ACSL3: variants seen among roughly 807,000 people sequenced by gnomAD.
ACSL3 encodes acyl-CoA synthetase long chain family member 3.
In ACSL3, 34 loss-of-function variants were observed where a neutral mutation model predicts 84.7. The observed-to-expected ratio is 0.40, with a 90% CI of 0.31 to 0.53. The LOEUF is 0.53. Ranked by LOEUF, ACSL3 falls within the 20% of genes least tolerant of loss-of-function variation. ACSL3 has a pLI of 0.48. For synonymous variants in ACSL3, 315 were observed against 299.4 expected, an observed-to-expected ratio of 1.05 and a Z score of -0.54; for missense variants, 680 against 873.1, an observed-to-expected ratio of 0.78 and a Z score of 2.79.
intron 1 of ACSL3, among the ~76,000 whole-genome samples, chr2:222,862,474 A>G (rs114293576): frequency 6.6e-6 from 1 of 151,974 alleles, no homozygotes; most frequent in East Asian, 1.9e-4. Flanking sequence ...ATGTTTATCA[A>G]CCTATTTTGT....
chr2:222,879,596 T>G (rs1380917492), intron 1 of ACSL3, among the ~76,000 whole-genome samples: 2 of 152,216 alleles, frequency 1.3e-5, no homozygotes, highest in Admixed American at 1.3e-4. Flanking sequence ...GACAGTCCTC[T>G]TAGCTGCTTC....
intron 3 of ACSL3, among the ~76,000 whole-genome samples, chr2:222,906,372 A>G (rs997849967): frequency 2.0e-5 from 3 of 152,164 alleles, no homozygotes; most frequent in African/African-American, 7.2e-5. Context: ...CCCAGCAACT[A>G]TTCTTCACTA....
chr2:222,887,172 T>A (rs1295064085), intron 1 of ACSL3, among the ~76,000 whole-genome samples: 1 of 152,236 alleles, frequency 6.6e-6, no homozygotes, highest in Non-Finnish European at 1.5e-5. Flanking sequence ...GTTGGAATCA[T>A]ACAGTACATA....
chr2:222,864,157 A>T (rs1388925175), intron 1 of ACSL3, among the ~76,000 whole-genome samples: 2 of 152,216 alleles, frequency 1.3e-5, no homozygotes, highest in East Asian at 3.8e-4. Context: ...CTAAAGAGGT[A>T]TGTGTGCTAT....
intron 2 of ACSL3, among the ~76,000 whole-genome samples, chr2:222,894,924 C>G (rs1695935333): frequency 6.6e-6 from 1 of 152,010 alleles, no homozygotes; most frequent in South Asian, 2.1e-4. Context: ...AACAGTACTG[C>G]CATGTCTCCC....
intron 10 of ACSL3, among the ~76,000 whole-genome samples, chr2:222,924,014 G>C (rs1696810069): frequency 6.6e-6 from 1 of 152,130 alleles, no homozygotes; most frequent in African/African-American, 2.4e-5. Flanking sequence ...AACGTTGCAT[G>C]GTCTTTTTGT....
At chr2:222,928,755 G>T in intron 12 of ACSL3, 107 bp from the exon 13 acceptor site, 1 of 920,688 alleles carries the variant, frequency 1.1e-6, no homozygotes, top group Non-Finnish European at 1.7e-6. Flanking sequence ...AGGAATAGCT[G>T]GGGATACCTC....
chr2:222,940,900 AT>A lies in ACSL3; in HGVS notation c.2006-583del, dbSNP rs113046012. Among the ~76,000 whole-genome samples the A allele has an allele frequency of 8.4e-3, 1,227 of 145,792 alleles. 14 individuals are homozygous for A. The highest frequency in any genetic ancestry group is 0.024 in the African/African-American group (972 of 40,062). On this transcript the variant is annotated intron_variant, in intron 16 of 16. Transcript: ENST00000357430. Reference sequence around the variant, plus strand: ...CCTATTAGATACCTGTCTAAATGTAATTTTTTTTTTTTTTAAATGAGATGGG... The same window carrying A: ...CCTATTAGATACCTGTCTAAATGTAATTTTTTTTTTTTTAAATGAGATGGG...
intron 1 of ACSL3, among the ~76,000 whole-genome samples, chr2:222,882,686 T>TG (rs1322133136): frequency 2.6e-5 from 4 of 151,304 alleles, no homozygotes; most frequent in Non-Finnish European, 5.9e-5. Context: ...GTCTGTGGCC[T>TG]GGGGGTTGAG....
Position 222,919,152 on chromosome 2 carries a change from T to C in ACSL3, c.755T>C (p.Ile252Thr), listed in dbSNP as rs1167703530. ...PTWSEFPKGI[I>T]VHTMAAVEAL... ...TGGTCCGAGTTCCCCAAGGGCATCA[T>C]TGTGCATACCATGGCTGCAGTGGAG... The change falls in exon 7 of 17, where the codon ATT becomes ACT. Residue 252 changes from isoleucine (I) to threonine (T), a missense_variant. By Grantham distance (89) the Ile-to-Thr change is moderately conservative. This residue lies in a region of ACSL3 where 333 missense variants were observed against 347.5 expected (regional missense o/e 0.96). Transcript: ENST00000357430. 2 of 1,614,178 alleles carry C rather than the reference T, an allele frequency of 1.2e-6. No homozygotes were observed. Among genetic ancestry groups the C allele is most frequent in the South Asian group, 1.1e-5 (1 of 91,078 alleles).
intron 4 of ACSL3, among the ~76,000 whole-genome samples, chr2:222,909,422 A>G (rs1696382700): frequency 6.6e-6 from 1 of 152,142 alleles, no homozygotes; most frequent in African/African-American, 2.4e-5. Context: ...TGAGTATGAA[A>G]CCATACTCCC....
At chr2:222,910,049 G>C (rs1165490630) in intron 4 of ACSL3, among the ~76,000 whole-genome samples, 2 of 152,318 alleles carry the variant, frequency 1.3e-5, no homozygotes, top group East Asian at 3.9e-4. Flanking sequence ...GATTGAGTGT[G>C]TGTGTATATA....
rs1694989006 is a variant in ACSL3, at chr2:222,861,072, AGTT to A, written c.-390_-388del. On this transcript the variant is annotated 5_prime_UTR_variant, in exon 1 of 17. Coordinates refer to ENST00000357430, the MANE Select transcript of ACSL3 (RefSeq NM_004457.5). ...TGGCTGCGCCGGGCTGCGACACTGC[AGTT>A]GTCTACGCGGCCGGGGCCGGGACGA... is the stretch of plus-strand genomic sequence containing the variant. 6.6e-6 allele frequency: 1 copy of A among 152,214 alleles called. No individual in the cohort carries two copies. Among genetic ancestry groups the A allele is most frequent in the South Asian group, 2.1e-4 (1 of 4,838 alleles). 9.4% of individuals were successfully genotyped at this position (152,214 alleles called of 1,614,324 possible). A position where few individuals can be genotyped will look rare whatever the true frequency, so the allele number is the denominator to read the frequency against.
chr2:222,939,750 G>A lies in ACSL3; in HGVS notation c.2006-1747G>A, dbSNP rs562039784. 1.2e-4 allele frequency among the ~76,000 whole-genome samples: 18 copies of A among 152,224 alleles called. No homozygotes were observed. The South Asian group carries it at 3.5e-3, about 30-fold the overall frequency. On this transcript the variant is annotated intron_variant, in intron 16 of 16. Coordinates refer to ENST00000357430, the MANE Select transcript of ACSL3 (RefSeq NM_004457.5). The stretch of plus-strand genomic sequence containing the variant: ...CCCGGAGTGTAGGAACTTCTTAAGT[G>A]GTTTCTGGGTTTCTTACACAGGCAA...
chr2:222,862,232 G>T (rs1695033380), intron 1 of ACSL3, among the ~76,000 whole-genome samples: 1 of 152,208 alleles, frequency 6.6e-6, no homozygotes, highest in Non-Finnish European at 1.5e-5. Context: ...AGTCCTCTGG[G>T]GTGGGGGTTA....
In ACSL3 at chr2:222,922,925, A is replaced by G. The variant is rs1265696406; in HGVS notation, c.1080+94A>G. 9.2e-6 allele frequency: 14 copies of G among 1,524,388 alleles called. No homozygotes were observed. In the South Asian group the frequency reaches 1.3e-4, roughly 14 times the overall value. The allele number at this position is 1,524,388 out of a possible 1,614,324, so 94.4% of individuals were successfully genotyped here. A position where few individuals can be genotyped will look rare whatever the true frequency, so the allele number is the denominator to read the frequency against. ...AGTATGACAGTATATTGCGAGAGCG[A>G]TGGTTCATTTTAAAATGAGCTTTAG... is the stretch of plus-strand genomic sequence containing the variant. On this transcript the variant is annotated intron_variant, in intron 9 of 16. Transcript: ENST00000357430.
intron 12 of ACSL3, 109 bp from the exon 13 acceptor site, chr2:222,928,753 C>A (rs1550419): frequency 1.1e-6 from 1 of 907,902 alleles, no homozygotes; most frequent in Non-Finnish European, 1.7e-6. Context: ...TAAGGAATAG[C>A]TGGGGATACC....
rs1697324218 is a variant in ACSL3 at position 222,941,966 on chromosome 2, A to G, written c.*312A>G. On this transcript the variant is annotated 3_prime_UTR_variant, in exon 17 of 17. Coordinates refer to ENST00000357430, the MANE Select transcript of ACSL3 (RefSeq NM_004457.5). ...CCTCAAGTTTTTAAACATGATTTAT[A>G]TGTTCTGTATAATGTTCAGTTTGTA... 3.8e-6 allele frequency: 1 copy of G among 262,490 alleles called. No homozygotes were observed. The highest frequency in any genetic ancestry group is 5.7e-5 in the East Asian group (1 of 17,522). 16.3% of individuals were successfully genotyped at this position (262,490 alleles called of 1,614,324 possible). A position where few individuals can be genotyped will look rare whatever the true frequency, so the allele number is the denominator to read the frequency against.
intron 1 of ACSL3, among the ~76,000 whole-genome samples, chr2:222,862,420 G>C (rs962297830): frequency 1.3e-5 from 2 of 152,202 alleles, no homozygotes; most frequent in Non-Finnish European, 2.9e-5. Flanking sequence ...GTGGATTTTA[G>C]TCTGGGTGGC....
Sources: gnomAD v4.1 joint callset for allele counts (sites outside exome capture counted in the v4.1 genomes callset) on GRCh38, gnomAD v4.1.1 for gene constraint, gnomAD v4.1.1 regional missense constraint, MANE v1.5 for transcripts, NCBI Gene and HGNC (gene_info 2026-07-23, HGNC 2026-07-21) for gene names.